RAMP1: variants seen among roughly 807,000 people sequenced by gnomAD.
RAMP1 encodes receptor activity-modifying protein 1.
In RAMP1, 7 loss-of-function variants were observed where a neutral mutation model predicts 8.2. The observed-to-expected ratio is 0.85, with a 90% CI of 0.49 to 1.60. The LOEUF is 1.60. Among genes scored for constraint, RAMP1 ranks in the 40% most tolerant of loss-of-function variants. The pLI, the probability that RAMP1 is intolerant of heterozygous loss-of-function variation, is 0.00. For missense variants in RAMP1, 192 were observed against 202.4 expected, an observed-to-expected ratio of 0.95 and a Z score of 0.31; for synonymous variants, 92 against 84.7, an observed-to-expected ratio of 1.09 and a Z score of -0.47.
At chr2:237,876,188 C>A (rs888221292) in intron 1 of RAMP1, among the ~76,000 whole-genome samples, 2 of 152,210 alleles carry the variant, frequency 1.3e-5, no homozygotes, top group Non-Finnish European at 2.9e-5. Context: ...CCCCAGGCCA[C>A]GTGCCGGAGA....
chr2:237,904,555 C>G (rs1331859064), intron 2 of RAMP1, among the ~76,000 whole-genome samples: 1 of 152,158 alleles, frequency 6.6e-6, no homozygotes, highest in East Asian at 1.9e-4. Context: ...TTGCAGTGAG[C>G]CAAGATCGTG....
intron 1 of RAMP1, among the ~76,000 whole-genome samples, chr2:237,863,164 C>T (rs1320534033): frequency 6.6e-6 from 1 of 152,174 alleles, no homozygotes; most frequent in East Asian, 1.9e-4. Flanking sequence ...AGAAGAGGTG[C>T]TGCAGCCAGG....
At chr2:237,868,029 C>T (rs1334299949) in intron 1 of RAMP1, among the ~76,000 whole-genome samples, 1 of 150,676 alleles carries the variant, frequency 6.6e-6, no homozygotes, top group Non-Finnish European at 1.5e-5. Flanking sequence ...GTTAATTGGT[C>T]CCCTTGGGTT....
intron 2 of RAMP1, among the ~76,000 whole-genome samples, chr2:237,891,338 G>A (rs2062486703): frequency 6.6e-6 from 1 of 152,034 alleles, no homozygotes; most frequent in South Asian, 2.1e-4. Flanking sequence ...TTTTAGTAGA[G>A]ACAGGGTTTC....
At chr2:237,896,287 C>A (rs2062541713) in intron 2 of RAMP1, among the ~76,000 whole-genome samples, 1 of 152,234 alleles carries the variant, frequency 6.6e-6, no homozygotes, top group Admixed American at 6.5e-5. Context: ...CTGTGGGGAG[C>A]CTGACTTGGC....
At chr2:237,903,582 G>A (rs973317434) in intron 2 of RAMP1, among the ~76,000 whole-genome samples, 3 of 152,092 alleles carry the variant, frequency 2.0e-5, no homozygotes, top group Non-Finnish European at 1.5e-5. Flanking sequence ...GCAGTGGCAG[G>A]AACATAGCTC....
intron 2 of RAMP1, among the ~76,000 whole-genome samples, chr2:237,887,275 C>G (rs2062443790): frequency 6.6e-6 from 1 of 152,210 alleles, no homozygotes; most frequent in African/African-American, 2.4e-5. Flanking sequence ...ATTCATCACT[C>G]AGATGGTAGA....
At chr2:237,873,586 C>G (rs1345579783) in intron 1 of RAMP1, among the ~76,000 whole-genome samples, 2 of 152,114 alleles carry the variant, frequency 1.3e-5, no homozygotes, top group Admixed American at 1.3e-4. Flanking sequence ...ACGCACAGCT[C>G]GAGGGAAGTT....
intron 2 of RAMP1, among the ~76,000 whole-genome samples, chr2:237,883,682 G>A (rs1408867034): frequency 6.6e-6 from 1 of 151,952 alleles, no homozygotes; most frequent in African/African-American, 2.4e-5. Context: ...TGTACATGGT[G>A]TTGGACACCT....
chr2:237,906,717 C>CTTTT (rs71402734), intron 2 of RAMP1, among the ~76,000 whole-genome samples: 25 of 86,212 alleles, frequency 2.9e-4, no homozygotes, highest in South Asian at 4.9e-4. Flanking sequence ...ATATCAACCT[C>CTTTT]TTTTTTTTTT....
intron 1 of RAMP1, 184 bp downstream of exon 1, chr2:237,859,911 G>A (rs984151933): frequency 5.7e-6 from 3 of 522,716 alleles, no homozygotes; most frequent in Non-Finnish European, 6.3e-6. Flanking sequence ...CAGGGCACAG[G>A]GGAGGCGGAG....
At chr2:237,867,677 CCGTGTTT>C (rs1260420754) in intron 1 of RAMP1, among the ~76,000 whole-genome samples, 1 of 152,190 alleles carries the variant, frequency 6.6e-6, no homozygotes, top group Non-Finnish European at 1.5e-5. Context: ...TGCGAACCTA[CCGTGTTT>C]CTGGGATGAA....
rs913314615 is a variant in RAMP1 at position 237,878,676 on chromosome 2, C to G, written c.191+1314C>G. On this transcript the variant is annotated intron_variant, in intron 2 of 2. Transcript: ENST00000254661. The surrounding 1 kb of genome is among the most constrained non-coding windows in gnomAD (Gnocchi z 5.7). ...GCCATGTGCTCTCTGCCCACTTCGTCCACCCCAGGGAACTCCCTCAGGCCC... is the reference window on the plus strand; with the variant it reads ...GCCATGTGCTCTCTGCCCACTTCGTGCACCCCAGGGAACTCCCTCAGGCCC... Among the ~76,000 whole-genome samples the G allele has an allele frequency of 2.4e-4, 36 of 152,374 alleles. No individual in the cohort carries two copies. The highest frequency in any genetic ancestry group is 8.4e-4 in the African/African-American group (35 of 41,586).
chr2:237,876,717 C>T (rs186154609), intron 1 of RAMP1, among the ~76,000 whole-genome samples: 37 of 152,216 alleles, frequency 2.4e-4, no homozygotes, highest in African/African-American at 8.7e-4. Context: ...TGCGGGGCAT[C>T]GCTGGGCAGG....
chr2:237,880,558 G>A (rs974832792), intron 2 of RAMP1, among the ~76,000 whole-genome samples: 13 of 152,152 alleles, frequency 8.5e-5, no homozygotes, highest in African/African-American at 3.1e-4. Flanking sequence ...CCATACAGGT[G>A]CTAGAAGAAA....
intron 2 of RAMP1, among the ~76,000 whole-genome samples, chr2:237,903,653 A>G (rs1460191401): frequency 1.3e-5 from 2 of 151,768 alleles, no homozygotes; most frequent in Admixed American, 1.3e-4. Context: ...AAGCCTCCCA[A>G]CTAGCTGGGA....
chr2:237,868,723 C>T (rs1040890756), intron 1 of RAMP1, among the ~76,000 whole-genome samples: 1 of 152,146 alleles, frequency 6.6e-6, no homozygotes, highest in Non-Finnish European at 1.5e-5. Flanking sequence ...TGGCTGGATC[C>T]CCTGAGTTTG....
chr2:237,903,680 G>C (rs6722412), intron 2 of RAMP1, among the ~76,000 whole-genome samples: 2 of 151,658 alleles, frequency 1.3e-5, no homozygotes, highest in African/African-American at 4.8e-5. Context: ...GTGCATCCCA[G>C]CACTGGCAAA....
chr2:237,875,273 G>C (rs1247825242), intron 1 of RAMP1, among the ~76,000 whole-genome samples: 2 of 152,294 alleles, frequency 1.3e-5, no homozygotes, highest in African/African-American at 2.4e-5. Flanking sequence ...AGCGGGCCCA[G>C]CCAGCCCCAA....
Sources: allele counts gnomAD v4.1 joint callset (sites outside exome capture counted in the v4.1 genomes callset), GRCh38; gene constraint gnomAD v4.1.1; non-coding constraint Gnocchi (gnomAD v3.1); transcripts MANE v1.5; gene names NCBI Gene and HGNC (gene_info 2026-07-23, HGNC 2026-07-21).